Variants in MOSMO observed in about 807,000 individuals in gnomAD.
MOSMO encodes the protein modulator of smoothened, also known as modulator of smoothened protein.
MOSMO carries 5 observed loss-of-function variants against 18.4 expected under a neutral mutation model. The observed-to-expected ratio is 0.27, with a 90% CI of 0.14 to 0.57. The LOEUF (loss-of-function observed/expected upper bound fraction) is 0.57, where lower values mean the gene tolerates loss of function less well. Ranked by LOEUF, MOSMO falls within the 20% of genes least tolerant of loss-of-function variation. MOSMO has a pLI of 0.92. For missense variants in MOSMO, 138 were observed against 211.8 expected, an observed-to-expected ratio of 0.65 and a Z score of 2.16; for synonymous variants, 82 against 82.3, an observed-to-expected ratio of 1.00 and a Z score of 0.02.
rs56313303 is a variant in MOSMO, at chr16:22,009,804, C to CAAA, written c.106+1428_106+1430dup. 4.2e-3 allele frequency among the ~76,000 whole-genome samples: 151 copies of CAAA among 35,990 alleles called. 1 individual carries two copies. Among genetic ancestry groups the CAAA allele is most frequent in the East Asian group, 7.5e-3 (6 of 796 alleles). The allele number at this position is 35,990 out of a possible 152,430, so 23.6% of individuals were successfully genotyped here. A position where few individuals can be genotyped will look rare whatever the true frequency, so the allele number is the denominator to read the frequency against. ...CGAAACCCCGTCTCTACTAAAAATACAAAAAAAAAAAAAAAAAAAAAAAAA... is the reference window on the plus strand; with the variant it reads ...CGAAACCCCGTCTCTACTAAAAATACAAAAAAAAAAAAAAAAAAAAAAAAAAAA... On this transcript the variant is annotated intron_variant, in intron 1 of 2. Transcript: ENST00000542527.
chr16:22,064,964 A>G (rs1469227763), intron 1 of MOSMO, among the ~76,000 whole-genome samples: 4 of 152,174 alleles, frequency 2.6e-5, no homozygotes, highest in Non-Finnish European at 4.4e-5. Context: ...TTCATGCACT[A>G]TATGTTAAGA....
intron 1 of MOSMO, among the ~76,000 whole-genome samples, chr16:22,035,446 T>C (rs551672791): frequency 6.6e-6 from 1 of 151,328 alleles, no homozygotes; most frequent in Non-Finnish European, 1.5e-5. Flanking sequence ...ATAGGGCTCC[T>C]AGAGATAAAA....
chr16:22,020,632 G>A (rs751432629), intron 1 of MOSMO, among the ~76,000 whole-genome samples: 2 of 152,074 alleles, frequency 1.3e-5, no homozygotes, highest in Non-Finnish European at 2.9e-5. Context: ...TAATTTGTAG[G>A]TTGTTTTGTT....
intron 2 of MOSMO, among the ~76,000 whole-genome samples, chr16:22,077,607 T>C (rs1443438654): frequency 6.6e-6 from 1 of 152,146 alleles, no homozygotes; most frequent in Non-Finnish European, 1.5e-5. Context: ...CATATTTATG[T>C]AAAATTTTTT....
intron 1 of MOSMO, among the ~76,000 whole-genome samples, chr16:22,025,988 TCCATGTAATCAGGC>T (rs1352908469): frequency 2.0e-5 from 3 of 152,168 alleles, no homozygotes; most frequent in Non-Finnish European, 4.4e-5. Flanking sequence ...ATAATTTCAT[TCCATGTAATCAGGC>T]CTAGTTTTTT....
chr16:22,075,706 A>T lies in MOSMO; in HGVS notation c.319+7A>T. The T allele has an allele frequency of 7.7e-7, 1 of 1,296,170 alleles. No homozygotes were observed. Among genetic ancestry groups the T allele is most frequent in the South Asian group, 1.7e-5 (1 of 59,806 alleles). 80.3% of individuals were successfully genotyped at this position (1,296,170 alleles called of 1,614,324 possible). On this transcript the variant is annotated splice_region_variant and intron_variant, in intron 2 of 2. Coordinates refer to ENST00000542527, the MANE Select transcript of MOSMO (RefSeq NM_001164579.2). ...TGGATAGCATTCACTGGAAGTAAGT[A>T]ACCTGTGCTTACTAAATTTGTCTAG...
At chr16:22,014,997 T>C (rs935361479) in intron 1 of MOSMO, among the ~76,000 whole-genome samples, 1 of 152,200 alleles carries the variant, frequency 6.6e-6, no homozygotes, top group African/African-American at 2.4e-5. Context: ...ATAAAGTATT[T>C]AAAGTATACA....
At chr16:22,068,613 C>T (rs1320420880) in intron 1 of MOSMO, among the ~76,000 whole-genome samples, 5 of 152,164 alleles carry the variant, frequency 3.3e-5, no homozygotes, top group Non-Finnish European at 4.4e-5. Context: ...TTCACATAAA[C>T]GGAATCATAC....
At chr16:22,067,121 C>T (rs1198848853) in intron 1 of MOSMO, among the ~76,000 whole-genome samples, 2 of 151,904 alleles carry the variant, frequency 1.3e-5, no homozygotes, top group East Asian at 3.9e-4. Flanking sequence ...TAAAACAAAT[C>T]AGAAGTAGAA....
chr16:22,032,118 T>C (rs1170746433), intron 1 of MOSMO, among the ~76,000 whole-genome samples: 1 of 152,182 alleles, frequency 6.6e-6, no homozygotes, highest in African/African-American at 2.4e-5. Flanking sequence ...GTAGCGCATC[T>C]TTCCATATGC....
chr16:22,058,448 GAAAC>G, intron 1 of MOSMO, among the ~76,000 whole-genome samples: 1 of 149,984 alleles, frequency 6.7e-6, no homozygotes, highest in African/African-American at 2.4e-5. Flanking sequence ...AAAAAAGAAA[GAAAC>G]AATTGCTTTG....
intron 1 of MOSMO, among the ~76,000 whole-genome samples, chr16:22,044,858 C>T (rs981318901): frequency 3.3e-5 from 5 of 152,140 alleles, no homozygotes; most frequent in South Asian, 2.1e-4. Context: ...AATTATTCTG[C>T]ATTATATGAT....
intron 1 of MOSMO, among the ~76,000 whole-genome samples, chr16:22,020,786 A>G (rs1435155665): frequency 6.6e-6 from 1 of 152,248 alleles, no homozygotes; most frequent in African/African-American, 2.4e-5. Context: ...GATAAAAAGG[A>G]ACAAGAAAGT....
At chr16:22,088,496 G>A (rs1901230751), downstream of MOSMO, among the ~76,000 whole-genome samples, 1 of 152,212 alleles carries the variant, frequency 6.6e-6, no homozygotes, top group South Asian at 2.1e-4. Context: ...TTAGGCCTTG[G>A]ATAACAAAAA....
At chr16:22,045,520 A>G (rs1452316563) in intron 1 of MOSMO, among the ~76,000 whole-genome samples, 1 of 152,166 alleles carries the variant, frequency 6.6e-6, no homozygotes, top group African/African-American at 2.4e-5. Context: ...TGCTTTTTGC[A>G]TTTCTTAAAA....
intron 1 of MOSMO, among the ~76,000 whole-genome samples, chr16:22,060,945 A>C (rs1225822830): frequency 6.6e-6 from 1 of 152,166 alleles, no homozygotes; most frequent in Non-Finnish European, 1.5e-5. Context: ...ATAAATTTAA[A>C]CATACACTTA....
In MOSMO at chr16:22,008,420, C is replaced by T; in HGVS notation, c.106+13C>T. 1 of 1,255,694 alleles carries T rather than the reference C, an allele frequency of 8.0e-7. No individual in the cohort carries two copies. The highest frequency in any genetic ancestry group is 1.7e-5 in the South Asian group (1 of 58,066). The allele number at this position is 1,255,694 out of a possible 1,614,324, so 77.8% of individuals were successfully genotyped here. On this transcript the variant is annotated intron_variant, in intron 1 of 2. Transcript: ENST00000542527. Reference sequence around the variant, plus strand: ...GGGGAGTCTGCGGGTGAGCCGCTGGCGCGCCGGGCCGGGCGGGGGATTGGC... The same window carrying T: ...GGGGAGTCTGCGGGTGAGCCGCTGGTGCGCCGGGCCGGGCGGGGGATTGGC...
chr16:22,015,239 AT>A (rs1899613694), intron 1 of MOSMO, among the ~76,000 whole-genome samples: 1 of 152,030 alleles, frequency 6.6e-6, no homozygotes, highest in Admixed American at 6.5e-5. Context: ...CTCAAAGTTC[AT>A]ACATGTTATG....
At chr16:22,061,048 C>T (rs918238997) in intron 1 of MOSMO, among the ~76,000 whole-genome samples, 3 of 152,044 alleles carry the variant, frequency 2.0e-5, no homozygotes, top group African/African-American at 7.2e-5. Context: ...TTATAGTAGC[C>T]TTATTCATGA....
Sources: allele counts gnomAD v4.1 joint callset (sites outside exome capture counted in the v4.1 genomes callset), GRCh38; gene constraint gnomAD v4.1.1; transcripts MANE v1.5; gene names NCBI Gene and HGNC (gene_info 2026-07-23, HGNC 2026-07-21).